SLC35D1: variants seen among roughly 807,000 people sequenced by gnomAD.
SLC35D1 encodes solute carrier family 35 member D1.
Under a neutral mutation model 46.7 loss-of-function variants are expected in SLC35D1, and 31 were observed. The observed-to-expected ratio is 0.66, with a 90% CI of 0.50 to 0.90. SLC35D1 has a LOEUF of 0.90. SLC35D1 is among the 40% of genes least tolerant of loss of function. SLC35D1 has a pLI of 0.00. For synonymous variants in SLC35D1, 195 were observed against 164.6 expected, an observed-to-expected ratio of 1.18 and a Z score of -1.41; for missense variants, 397 against 426.2, an observed-to-expected ratio of 0.93 and a Z score of 0.60.
In SLC35D1 at chr1:67,042,069, C is replaced by T. The variant is rs530044552; in HGVS notation, c.729+167G>A. 1.1e-4 allele frequency among the ~76,000 whole-genome samples: 16 copies of T among 152,292 alleles called. No homozygotes were observed. The South Asian group carries it at 2.3e-3, about 22-fold the overall frequency. ...TCATCTTTGTACTATCCAATGTTTACGCCAAGAAAAGAGGTTAGCATGACA... is the reference window on the plus strand; with the variant it reads ...TCATCTTTGTACTATCCAATGTTTATGCCAAGAAAAGAGGTTAGCATGACA... On this transcript the variant is annotated intron_variant, in intron 8 of 11. Transcript: ENST00000235345.
At position 67,038,448 on chromosome 1, in the gene SLC35D1, C is replaced by G. The variant is rs114897322; in HGVS notation, c.729+3788G>C. Among the ~76,000 whole-genome samples, 857 of 152,174 alleles carry G rather than the reference C, an allele frequency of 5.6e-3. 5 individuals carry two copies. The highest frequency in any genetic ancestry group is 0.019 in the African/African-American group (796 of 41,516). On this transcript the variant is annotated intron_variant, in intron 8 of 11. Coordinates refer to ENST00000235345, the MANE Select transcript of SLC35D1 (RefSeq NM_015139.3). ...AGAACTAGCCTTGTGAGATCTACAG[C>G]AAGTGGTCTGTTCTTCCATCTCTAT...
At chr1:67,035,438 A>G (rs998950317) in intron 8 of SLC35D1, among the ~76,000 whole-genome samples, 1 of 152,156 alleles carries the variant, frequency 6.6e-6, no homozygotes, top group Non-Finnish European at 1.5e-5. Context: ...GTATGTGTCC[A>G]GCATTTATCC....
At chr1:67,039,449 T>G (rs1371878631) in intron 8 of SLC35D1, among the ~76,000 whole-genome samples, 1 of 151,910 alleles carries the variant, frequency 6.6e-6, no homozygotes, top group Admixed American at 6.6e-5. Flanking sequence ...AATTTATTAG[T>G]TTCATGTATA....
chr1:67,007,379 T>C (rs1197294311), intron 11 of SLC35D1, among the ~76,000 whole-genome samples: 1 of 152,120 alleles, frequency 6.6e-6, no homozygotes, highest in Non-Finnish European at 1.5e-5. Flanking sequence ...GCCAATTCCA[T>C]GACCTAATCA....
intron 8 of SLC35D1, among the ~76,000 whole-genome samples, chr1:67,031,740 C>T (rs796933145): frequency 3.3e-5 from 5 of 152,310 alleles, no homozygotes; most frequent in East Asian, 1.9e-4. Flanking sequence ...AAACAGTCTG[C>T]TCTATCTGCC....
chr1:67,024,172 C>G (rs1461535748), intron 8 of SLC35D1, among the ~76,000 whole-genome samples: 1 of 152,006 alleles, frequency 6.6e-6, no homozygotes, highest in East Asian at 1.9e-4. Flanking sequence ...TCCTGAACTC[C>G]AGACCTCAAG....
At chr1:66,987,018 T>TA in the SLC35D1 span, 2 of 152,486 alleles carry the variant, frequency 1.3e-5, no homozygotes, top group Admixed American at 1.3e-4. Context: ...TGCAAACTCT[T>TA]ACTACAGAAA....
the SLC35D1 span, chr1:66,982,023 A>C: frequency 8.5e-7 from 1 of 1,177,984 alleles, no homozygotes; most frequent in Non-Finnish European, 1.2e-6. Context: ...CAGAGCAGAA[A>C]GTAAAAAATG....
chr1:67,040,465 C>T (rs922108396), intron 8 of SLC35D1, among the ~76,000 whole-genome samples: 1 of 152,142 alleles, frequency 6.6e-6, no homozygotes, highest in African/African-American at 2.4e-5. Context: ...GGCCCAGTTT[C>T]CCCAACTATG....
chr1:66,996,552 C>G (rs972354608), downstream of SLC35D1, among the ~76,000 whole-genome samples: 1 of 152,174 alleles, frequency 6.6e-6, no homozygotes. Flanking sequence ...AGATGCCAGG[C>G]CTCTAGTAGA....
the SLC35D1 span, among the ~76,000 whole-genome samples, chr1:66,983,439 CAATTA>C: frequency 6.6e-6 from 1 of 152,098 alleles, no homozygotes; most frequent in Non-Finnish European, 1.5e-5. Flanking sequence ...ATTTTTCAAG[CAATTA>C]AATTGTAATT....
rs1558165261 is a variant in SLC35D1 at position 67,043,843 on chromosome 1, T to G, written c.637-1515A>C. Among the ~76,000 whole-genome samples the G allele has an allele frequency of 3.9e-5, 6 of 152,186 alleles. No individual in the cohort carries two copies. In the South Asian group the frequency reaches 1.2e-3, roughly 32 times the overall value. On this transcript the variant is annotated intron_variant, in intron 7 of 11. Coordinates refer to ENST00000235345, the MANE Select transcript of SLC35D1 (RefSeq NM_015139.3). Reference sequence around the variant, plus strand: ...CTTTGATTCACACACTTCTGGGACATTCAGCATGAAGCAGTCTCCTGAAAA... The same window carrying G: ...CTTTGATTCACACACTTCTGGGACAGTCAGCATGAAGCAGTCTCCTGAAAA...
At chr1:66,981,230 C>A in the SLC35D1 span, among the ~76,000 whole-genome samples, 4 of 152,016 alleles carry the variant, frequency 2.6e-5, no homozygotes, top group Non-Finnish European at 4.4e-5. Context: ...AGCTCACATA[C>A]AATGAGAAAG....
intron 8 of SLC35D1, among the ~76,000 whole-genome samples, chr1:67,030,479 G>A (rs545594606): frequency 3.9e-5 from 6 of 152,222 alleles, no homozygotes; most frequent in Admixed American, 3.3e-4. Context: ...CTCATCTACA[G>A]GGTTGTTATC....
At chr1:67,010,085 C>A (rs536593767) in intron 10 of SLC35D1, among the ~76,000 whole-genome samples, 81 of 152,232 alleles carry the variant, frequency 5.3e-4, no homozygotes, top group African/African-American at 2.0e-3. Flanking sequence ...AACACAGGAA[C>A]AGAAAACCAA....
the SLC35D1 span, chr1:66,981,669 G>T: frequency 1.3e-6 from 1 of 791,750 alleles, no homozygotes; most frequent in Non-Finnish European, 2.0e-6. Context: ...TGGAATGAAT[G>T]TTAAGTGAAT....
intron 10 of SLC35D1, among the ~76,000 whole-genome samples, chr1:67,014,670 GTTTTTTT>G (rs34459732): frequency 2.0e-4 from 20 of 99,974 alleles, no homozygotes; most frequent in African/African-American, 7.2e-4. Context: ...TCAATTTTTA[GTTTTTTT>G]TTTTTTTTTT....
chr1:67,052,170 C>T (rs1225319287), intron 3 of SLC35D1, 91 bp from the exon 4 acceptor site: 2 of 958,510 alleles, frequency 2.1e-6, no homozygotes, highest in Non-Finnish European at 3.3e-6. Flanking sequence ...TTTATATGAT[C>T]AAAATTTTTT....
At position 67,053,586 on chromosome 1, in the gene SLC35D1, C is replaced by G. The variant is rs1395019087; in HGVS notation, c.203+225G>C. ...CATGGCAGGCGAGCCCCAAATGTGCCGGGCCGGCCGGAGCTCCGCGCAGGG... is the reference window on the plus strand; with the variant it reads ...CATGGCAGGCGAGCCCCAAATGTGCGGGGCCGGCCGGAGCTCCGCGCAGGG... On this transcript the variant is annotated intron_variant, in intron 1 of 11. Coordinates refer to ENST00000235345, the MANE Select transcript of SLC35D1 (RefSeq NM_015139.3). Among the ~76,000 whole-genome samples the G allele has an allele frequency of 3.9e-5, 6 of 151,982 alleles. No individual in the cohort carries two copies. In the East Asian group the frequency reaches 1.2e-3, roughly 29 times the overall value.
Sources: gnomAD v4.1 joint callset for allele counts (sites outside exome capture counted in the v4.1 genomes callset) on GRCh38, gnomAD v4.1.1 for gene constraint, MANE v1.5 for transcripts, NCBI Gene and HGNC (gene_info 2026-07-23, HGNC 2026-07-21) for gene names.